MYT1: variants seen among roughly 807,000 people sequenced by gnomAD.
MYT1 encodes myelin transcription factor 1, also known as myelin transcription factor I.
Under a neutral mutation model 123.0 loss-of-function variants are expected in MYT1, and 23 were observed. That is an observed-to-expected ratio of 0.19 (90% CI 0.13 to 0.26). MYT1 has a LOEUF of 0.26. Ranked by LOEUF, MYT1 falls within the 10% of genes least tolerant of loss-of-function variation. The probability of loss-of-function intolerance (pLI) is 1.00; values close to 1 mark genes in which losing one functional copy is unlikely to be tolerated. For missense variants in MYT1, 1,125 were observed against 1,472.5 expected (o/e 0.76, Z 3.86); for synonymous variants, 518 against 575.3 (o/e 0.90, Z 1.43).
rs200212395 is a variant in MYT1, at chr20:64,176,870, G to A, written c.-99+12131G>A. ...TGTTGGCAGCCGGGGATGACAGGCCGCCTGGAGAGCCCGTCCTGTGATTTG... is the reference window on the plus strand; with the variant it reads ...TGTTGGCAGCCGGGGATGACAGGCCACCTGGAGAGCCCGTCCTGTGATTTG... On this transcript the variant is annotated intron_variant, in intron 1 of 22. Transcript: ENST00000328439. Among the ~76,000 whole-genome samples the A allele has an allele frequency of 3.3e-5, 5 of 152,206 alleles. No individual in the cohort carries two copies. The East Asian group carries it at 9.6e-4, about 29-fold the overall frequency.
At chr20:64,216,098 G>C (rs1387047729) in intron 10 of MYT1, among the ~76,000 whole-genome samples, 1 of 152,138 alleles carries the variant, frequency 6.6e-6, no homozygotes, top group Non-Finnish European at 1.5e-5. Flanking sequence ...CTCTGTGCTG[G>C]GCTCTGTTCT....
chr20:64,237,373 G>T lies in MYT1; in HGVS notation c.3076G>T (p.Val1026Leu). ...CAACTCGGAGATGGAGGCTGCCATG[G>T]TGCAGCTGCAGTCCCAGGTAGGTGG... ...ESNSEMEAAM[V>L]QLQSQISSME... Residue 1026 changes from valine (V) to leucine (L), a missense_variant, in exon 21 of 23, where the codon GTG (valine) becomes TTG (leucine). Around this residue, in one of 4 missense-constraint regions of MYT1, gnomAD observed 243 missense variants for 323.1 expected, o/e 0.75. Transcript: ENST00000328439. The T allele has an allele frequency of 6.2e-7, 1 of 1,606,830 alleles. No homozygotes were observed. Among genetic ancestry groups the T allele is most frequent in the East Asian group, 2.2e-5 (1 of 44,654 alleles).
chr20:64,226,247 C>CAA (rs1210501235), intron 16 of MYT1, among the ~76,000 whole-genome samples: 1 of 152,136 alleles, frequency 6.6e-6, no homozygotes, highest in Non-Finnish European at 1.5e-5. Context: ...GAGGGCACCC[C>CAA]AAAAAAACTC....
Position 64,167,962 on chromosome 20 carries a change from G to A in MYT1, c.-99+3223G>A, listed in dbSNP as rs530412132. 6.6e-5 allele frequency among the ~76,000 whole-genome samples: 10 copies of A among 152,304 alleles called. No homozygotes were observed. The highest frequency in any genetic ancestry group is 4.1e-4 in the South Asian group (2 of 4,826). ...GCAGTGGCTGCCGTGCTGCTCCCCC[G>A]TGGGCTTCCTGCTCTTTGGGGACTG... On this transcript the variant is annotated intron_variant, in intron 1 of 22. Transcript: ENST00000328439. This position sits in a 1 kb window ranked among gnomAD's most constrained non-coding sequence, Gnocchi z 6.3.
At chr20:64,221,038 C>A (rs1396500679) in intron 13 of MYT1, among the ~76,000 whole-genome samples, 2 of 152,208 alleles carry the variant, frequency 1.3e-5, no homozygotes, top group Admixed American at 6.5e-5. Flanking sequence ...GCCTGGGAAC[C>A]CACAACGAGG....
chr20:64,203,032 C>G lies in MYT1; in HGVS notation c.87-2003C>G, dbSNP rs1054433960. On this transcript the variant is annotated intron_variant, in intron 4 of 22. Transcript: ENST00000328439. This position sits in a 1 kb window ranked among gnomAD's most constrained non-coding sequence, Gnocchi z 5.1. ...ACCCTTGGAGGCCCTGGCTGGGTCTCTTGTCCACTCGGCTGTGGGGTGGGG... is the reference window on the plus strand; with the variant it reads ...ACCCTTGGAGGCCCTGGCTGGGTCTGTTGTCCACTCGGCTGTGGGGTGGGG... Among the ~76,000 whole-genome samples, 1 of 152,352 alleles carries G rather than the reference C, an allele frequency of 6.6e-6. No homozygotes were observed. Among genetic ancestry groups the G allele is most frequent in the Non-Finnish European group, 1.5e-5 (1 of 68,026 alleles).
chr20:64,188,410 A>G (rs555883375), intron 1 of MYT1, among the ~76,000 whole-genome samples: 1 of 152,084 alleles, frequency 6.6e-6, no homozygotes, highest in African/African-American at 2.4e-5. Context: ...AGCCTTGCCA[A>G]TCAGCCCAGT....
intron 3 of MYT1, 28 bp from the exon 4 acceptor site, chr20:64,199,864 G>A: frequency 6.2e-7 from 1 of 1,612,798 alleles, no homozygotes; most frequent in South Asian, 1.1e-5. Context: ...ATTCCCACAT[G>A]TTTTCCCTGT....
rs117887075 is a variant in MYT1 at position 64,171,534 on chromosome 20, G to A, written c.-99+6795G>A. Among the ~76,000 whole-genome samples, 1,202 of 152,324 alleles carry A rather than the reference G, an allele frequency of 7.9e-3. 10 individuals are homozygous for A. The highest frequency in any genetic ancestry group is 0.017 in the Middle Eastern group (5 of 294). ...GTCAGAACCTGCTGCTGGATGTGGAGCTCCCTTCATCCCCAGGGTCTGAGC... is the reference window on the plus strand; with the variant it reads ...GTCAGAACCTGCTGCTGGATGTGGAACTCCCTTCATCCCCAGGGTCTGAGC... On this transcript the variant is annotated intron_variant, in intron 1 of 22. Coordinates refer to ENST00000328439, the MANE Select transcript of MYT1 (RefSeq NM_004535.3).
intron 21 of MYT1, among the ~76,000 whole-genome samples, chr20:64,237,880 C>T (rs117432511): frequency 6.6e-6 from 1 of 152,246 alleles, no homozygotes; most frequent in East Asian, 1.9e-4. Context: ...ACAAACCTTT[C>T]AGCCTCTTCC....
rs761470054 is a variant in MYT1 at position 64,212,028 on chromosome 20, C to T, written c.1427-20C>T. The T allele has an allele frequency of 4.4e-6, 7 of 1,604,676 alleles. No homozygotes were observed. Among genetic ancestry groups the T allele is most frequent in the Admixed American group, 1.7e-5 (1 of 59,942 alleles). On this transcript the variant is annotated intron_variant, in intron 8 of 22. Coordinates refer to ENST00000328439, the MANE Select transcript of MYT1 (RefSeq NM_004535.3). The surrounding 1 kb of genome is among the most constrained non-coding windows in gnomAD (Gnocchi z 6.8). ...ATTCTCTGACAGCCTCGGCTCCCTCCACCCCCTGTTCTCTTACAGTCTTAG... is the reference window on the plus strand; with the variant it reads ...ATTCTCTGACAGCCTCGGCTCCCTCTACCCCCTGTTCTCTTACAGTCTTAG...
Position 64,208,910 on chromosome 20 carries a change from G to T in MYT1, c.1291+423G>T, listed in dbSNP as rs1195640381. Among the ~76,000 whole-genome samples the T allele has an allele frequency of 2.0e-5, 3 of 152,088 alleles. No homozygotes were observed. Among genetic ancestry groups the T allele is most frequent in the South Asian group, 2.1e-4 (1 of 4,818 alleles). On this transcript the variant is annotated intron_variant, in intron 7 of 22. Coordinates refer to ENST00000328439, the MANE Select transcript of MYT1 (RefSeq NM_004535.3). The surrounding 1 kb of genome is among the most constrained non-coding windows in gnomAD (Gnocchi z 5.4). ...TGCTGGGTCATCCTGATCCTCTCGTGGGGTGGAGACCAGCAGGCAGATGTG... is the reference window on the plus strand; with the variant it reads ...TGCTGGGTCATCCTGATCCTCTCGTTGGGTGGAGACCAGCAGGCAGATGTG...
Position 64,192,546 on chromosome 20 carries a change from C to T in MYT1, c.-1+2386C>T, listed in dbSNP as rs189323931. ...AACACACAAACCCTGTGCATGGGAC[C>T]GTCACAGCCTGCGGCGTGCCTCTGA... On this transcript the variant is annotated intron_variant, in intron 2 of 22. Coordinates refer to ENST00000328439, the MANE Select transcript of MYT1 (RefSeq NM_004535.3). This position sits in a 1 kb window ranked among gnomAD's most constrained non-coding sequence, Gnocchi z 5.3. Among the ~76,000 whole-genome samples the T allele has an allele frequency of 1.3e-5, 2 of 152,286 alleles. No homozygotes were observed. Among genetic ancestry groups the T allele is most frequent in the South Asian group, 2.1e-4 (1 of 4,818 alleles).
In MYT1 at chr20:64,241,236, A is replaced by T. The variant is rs942382203; in HGVS notation, c.*788A>T. 1.3e-5 allele frequency: 2 copies of T among 152,052 alleles called. No individual in the cohort carries two copies. Among genetic ancestry groups the T allele is most frequent in the African/African-American group, 2.4e-5 (1 of 41,386 alleles). 9.4% of individuals were successfully genotyped at this position (152,052 alleles called of 1,614,324 possible). A position where few individuals can be genotyped will look rare whatever the true frequency, so the allele number is the denominator to read the frequency against. ...TTCTGTGCATCCACCCAGGCCCCCG[A>T]CCCATCACTGCCACATTCTCCGGGT... On this transcript the variant is annotated 3_prime_UTR_variant, in exon 23 of 23. Transcript: ENST00000328439. The surrounding 1 kb of genome is among the most constrained non-coding windows in gnomAD (Gnocchi z 4.2).
At chr20:64,206,238 T>A (rs1293832537) in intron 6 of MYT1, among the ~76,000 whole-genome samples, 3 of 152,122 alleles carry the variant, frequency 2.0e-5, no homozygotes, top group Non-Finnish European at 4.4e-5. Flanking sequence ...TGCGTTCCCC[T>A]GAGGTACTCA....
chr20:64,230,744 C>T (rs899363255), intron 18 of MYT1, among the ~76,000 whole-genome samples: 9 of 152,230 alleles, frequency 5.9e-5, no homozygotes, highest in Middle Eastern at 3.4e-3. Flanking sequence ...CTGCTCTGGA[C>T]GGGGATGAGG....
At chr20:64,228,582 G>T (rs1025438331) in intron 18 of MYT1, among the ~76,000 whole-genome samples, 1 of 152,158 alleles carries the variant, frequency 6.6e-6, no homozygotes, top group African/African-American at 2.4e-5. Context: ...GTGGGGGCTC[G>T]TGTGTCTTTG....
chr20:64,231,882 C>T lies in MYT1; in HGVS notation c.2676-282C>T, dbSNP rs538391427. ...AGAGCAGCCCCCAGGCCCAGGGTCA[C>T]GGCTGCTGGAGGGCACGGAAAGAAG... On this transcript the variant is annotated intron_variant, in intron 18 of 22. Transcript: ENST00000328439. The surrounding 1 kb of genome is among the most constrained non-coding windows in gnomAD (Gnocchi z 6.4). Among the ~76,000 whole-genome samples, 265 of 152,292 alleles carry T rather than the reference C, an allele frequency of 1.7e-3. 1 individual carries two copies. Among genetic ancestry groups the T allele is most frequent in the African/African-American group, 5.0e-3 (206 of 41,562 alleles).
At position 64,240,602 on chromosome 20, in the gene MYT1, C is replaced by A; in HGVS notation, c.*154C>A. 1.8e-6 allele frequency: 2 copies of A among 1,087,948 alleles called. No individual in the cohort carries two copies. Among genetic ancestry groups the A allele is most frequent in the Non-Finnish European group, 2.5e-6 (2 of 790,188 alleles). 67.4% of individuals were successfully genotyped at this position (1,087,948 alleles called of 1,614,324 possible). On this transcript the variant is annotated 3_prime_UTR_variant, in exon 23 of 23. Coordinates refer to ENST00000328439, the MANE Select transcript of MYT1 (RefSeq NM_004535.3). Reference sequence around the variant, plus strand: ...ATCCAAAGGGATGGCTGGAAATTGGCCGCTCCCACGAGGCTCCCTCCAGGC... The same window carrying A: ...ATCCAAAGGGATGGCTGGAAATTGGACGCTCCCACGAGGCTCCCTCCAGGC...
Sources: gnomAD v4.1 joint callset for allele counts (sites outside exome capture counted in the v4.1 genomes callset) on GRCh38, gnomAD v4.1.1 for gene constraint, gnomAD v4.1.1 regional missense constraint, Gnocchi (gnomAD v3.1) non-coding constraint, MANE v1.5 for transcripts, NCBI Gene and HGNC (gene_info 2026-07-23, HGNC 2026-07-21) for gene names.